Variants in STAT1 observed in about 807,000 individuals in gnomAD.
STAT1 encodes signal transducer and activator of transcription 1.
In STAT1, 24 loss-of-function variants were observed where a neutral mutation model predicts 111.7. The ratio of observed to expected loss-of-function variants is 0.21; its 90% CI spans 0.16 to 0.30. The LOEUF is 0.30. Ranked by LOEUF, STAT1 falls within the 10% of genes least tolerant of loss-of-function variation. The probability of loss-of-function intolerance (pLI) is 1.00; values close to 1 mark genes in which losing one functional copy is unlikely to be tolerated. For synonymous variants in STAT1, 332 were observed against 326.5 expected (o/e 1.02, Z -0.18); for missense variants, 351 against 911.9 (o/e 0.38, Z 7.92).
At position 190,980,970 on chromosome 2, in the gene STAT1, G is replaced by A. The variant is rs547779396; in HGVS notation, c.1583-301C>T. 1.2e-3 allele frequency among the ~76,000 whole-genome samples: 184 copies of A among 152,276 alleles called. 1 individual carries two copies. The highest frequency in any genetic ancestry group is 4.1e-3 in the African/African-American group (171 of 41,546). ...CGATATGAGAGTTTTTAGGGAAAGC[G>A]GAAACATCACAAAGCCTTACCATCT... is the stretch of plus-strand genomic sequence containing the variant. On this transcript the variant is annotated intron_variant, in intron 18 of 24. Transcript: ENST00000361099. This position sits in a 1 kb window ranked among gnomAD's most constrained non-coding sequence, Gnocchi z 6.1.
At chr2:191,008,878 T>C (rs1281818565) in intron 4 of STAT1, 85 bp downstream of exon 4, 4 of 1,419,022 alleles carry the variant, frequency 2.8e-6, no homozygotes, top group Non-Finnish European at 3.9e-6. Context: ...AATAAGTGTG[T>C]GCTCAATTGT....
At position 191,000,946 on chromosome 2, in the gene STAT1, G is replaced by T; in HGVS notation, c.462+128C>A. 1 of 783,744 alleles carries T rather than the reference G, an allele frequency of 1.3e-6. No individual in the cohort carries two copies. The highest frequency in any genetic ancestry group is 2.2e-6 in the Non-Finnish European group (1 of 452,204). The allele number at this position is 783,744 out of a possible 1,614,324, so 48.5% of individuals were successfully genotyped here. On this transcript the variant is annotated intron_variant, in intron 6 of 24. Coordinates refer to ENST00000361099, the MANE Select transcript of STAT1 (RefSeq NM_007315.4). The surrounding 1 kb of genome is among the most constrained non-coding windows in gnomAD (Gnocchi z 4.8). ...TGTTTACTTATAGCTTGAGACTTCT[G>T]CAAAATTTTTCTTCCCAACTACTTA...
rs1694568369 is a variant in STAT1 at position 191,004,963 on chromosome 2, A to G, written c.372+2600T>C. Among the ~76,000 whole-genome samples the G allele has an allele frequency of 6.6e-6, 1 of 152,176 alleles. No individual in the cohort carries two copies. Among genetic ancestry groups the G allele is most frequent in the African/African-American group, 2.4e-5 (1 of 41,444 alleles). The stretch of plus-strand genomic sequence containing the variant: ...CACAAAGAAAAAAAGAAAGAAAAAA[A>G]CTTAGTGTGCTGTAAGACAGCACAC... On this transcript the variant is annotated intron_variant, in intron 5 of 24. Coordinates refer to ENST00000361099, the MANE Select transcript of STAT1 (RefSeq NM_007315.4). The surrounding 1 kb of genome is among the most constrained non-coding windows in gnomAD (Gnocchi z 5.0).
At position 190,981,948 on chromosome 2, in the gene STAT1, C is replaced by T. The variant is rs1692424155; in HGVS notation, c.1582+435G>A. Among the ~76,000 whole-genome samples, 1 of 152,222 alleles carries T rather than the reference C, an allele frequency of 6.6e-6. No individual in the cohort carries two copies. Among genetic ancestry groups the T allele is most frequent in the South Asian group, 2.1e-4 (1 of 4,834 alleles). ...GGACGGCATCCTCTGCTACCTGGGC[C>T]CCACCTGAGGCAAGGGCCCTGGGTT... On this transcript the variant is annotated intron_variant, in intron 18 of 24. Coordinates refer to ENST00000361099, the MANE Select transcript of STAT1 (RefSeq NM_007315.4). The surrounding 1 kb of genome is among the most constrained non-coding windows in gnomAD (Gnocchi z 4.1).
At position 191,001,178 on chromosome 2, in the gene STAT1, G is replaced by C; in HGVS notation, c.373-15C>G. 6.2e-7 allele frequency: 1 copy of C among 1,601,442 alleles called. No individual in the cohort carries two copies. The highest frequency in any genetic ancestry group is 8.6e-7 in the Non-Finnish European group (1 of 1,168,536). ...CCCGACTGAGCCTGTAATGGGAAGG[G>C]CATGATTATAGCCATCGTTTTCTTC... On this transcript the variant is annotated splice_polypyrimidine_tract_variant and intron_variant, in intron 5 of 24. Transcript: ENST00000361099.
intron 24 of STAT1, among the ~76,000 whole-genome samples, chr2:190,972,296 A>T (rs1029814508): frequency 2.0e-5 from 3 of 152,258 alleles, no homozygotes; most frequent in Admixed American, 6.5e-5. Flanking sequence ...TCCTATCATT[A>T]TGAGCTTTGG....
At chr2:191,008,263 C>G (rs535435264) in intron 4 of STAT1, among the ~76,000 whole-genome samples, 1 of 152,148 alleles carries the variant, frequency 6.6e-6, no homozygotes, top group African/African-American at 2.4e-5. Context: ...TTCCAATTAC[C>G]TAAGCTGAAA....
chr2:190,980,244 C>T lies in STAT1; in HGVS notation c.1632+376G>A, dbSNP rs1051357840. Among the ~76,000 whole-genome samples, 3 of 152,248 alleles carry T rather than the reference C, an allele frequency of 2.0e-5. No individual in the cohort carries two copies. The highest frequency in any genetic ancestry group is 2.9e-5 in the Non-Finnish European group (2 of 68,036). On this transcript the variant is annotated intron_variant, in intron 19 of 24. Coordinates refer to ENST00000361099, the MANE Select transcript of STAT1 (RefSeq NM_007315.4). This position sits in a 1 kb window ranked among gnomAD's most constrained non-coding sequence, Gnocchi z 6.1. ...ACTCCAGCAGAATCTAAATGTTCCC[C>T]GCAGTGGGCCCCTCTGCTCGAGCAG... is the stretch of plus-strand genomic sequence containing the variant.
At position 191,012,414 on chromosome 2, in the gene STAT1, T is replaced by C. The variant is rs1371319415; in HGVS notation, c.-2+1111A>G. ...CTGGGAGACAGAGAGAGACTCTGTC[T>C]CTAAAAAAAAAAAACAATGAATAAA... On this transcript the variant is annotated intron_variant, in intron 2 of 24. Transcript: ENST00000361099. This position sits in a 1 kb window ranked among gnomAD's most constrained non-coding sequence, Gnocchi z 4.0. Among the ~76,000 whole-genome samples the C allele has an allele frequency of 3.1e-5, 4 of 130,422 alleles. No individual in the cohort carries two copies. The highest frequency in any genetic ancestry group is 6.3e-5 in the Non-Finnish European group (4 of 63,328). 85.6% of individuals were successfully genotyped at this position (130,422 alleles called of 152,430 possible). A position where few individuals can be genotyped will look rare whatever the true frequency, so the allele number is the denominator to read the frequency against.
In STAT1 at chr2:190,980,510, G is replaced by A. The variant is rs112114358; in HGVS notation, c.1632+110C>T. 12 of 1,318,864 alleles carry A rather than the reference G, an allele frequency of 9.1e-6. No individual in the cohort carries two copies. The highest frequency in any genetic ancestry group is 1.3e-5 in the Non-Finnish European group (12 of 912,692). 81.7% of individuals were successfully genotyped at this position (1,318,864 alleles called of 1,614,324 possible). On this transcript the variant is annotated intron_variant, in intron 19 of 24. Coordinates refer to ENST00000361099, the MANE Select transcript of STAT1 (RefSeq NM_007315.4). This position sits in a 1 kb window ranked among gnomAD's most constrained non-coding sequence, Gnocchi z 6.1. The stretch of plus-strand genomic sequence containing the variant: ...CCCGAGGGGCTCCTTGGCCAGAGAA[G>A]AACACGCCAAAATAAGCAAACAGTT...
Position 190,981,667 on chromosome 2 carries a change from G to C in STAT1, c.1582+716C>G, listed in dbSNP as rs1692402856. Among the ~76,000 whole-genome samples the C allele has an allele frequency of 6.6e-6, 1 of 152,256 alleles. No individual in the cohort carries two copies. Among genetic ancestry groups the C allele is most frequent in the Non-Finnish European group, 1.5e-5 (1 of 68,046 alleles). On this transcript the variant is annotated intron_variant, in intron 18 of 24. Coordinates refer to ENST00000361099, the MANE Select transcript of STAT1 (RefSeq NM_007315.4). The surrounding 1 kb of genome is among the most constrained non-coding windows in gnomAD (Gnocchi z 4.1). The stretch of plus-strand genomic sequence containing the variant: ...GTCACTGAGTTAGGAAGAGCCTACT[G>C]CTGTTTGGAGTAAATGCAGTGCTGC...
chr2:191,013,047 G>A (rs953398833), intron 2 of STAT1, among the ~76,000 whole-genome samples: 3 of 152,166 alleles, frequency 2.0e-5, no homozygotes, highest in Admixed American at 2.0e-4. Context: ...TAGAGTAGTG[G>A]GGTATTTTGC....
In STAT1 at chr2:190,974,936, A is replaced by C. The variant is rs1691785518; in HGVS notation, c.2136-4T>G. On this transcript the variant is annotated splice_region_variant and splice_polypyrimidine_tract_variant and intron_variant, in intron 23 of 24. Transcript: ENST00000361099. This position sits in a 1 kb window ranked among gnomAD's most constrained non-coding sequence, Gnocchi z 4.8. The stretch of plus-strand genomic sequence containing the variant: ...GGTCTGAAGTCTAGAAGGGTGACTA[A>C]AATGGGGAAAAAGAAAAGAGCAATG... 1 of 1,609,584 alleles carries C rather than the reference A, an allele frequency of 6.2e-7. No homozygotes were observed. The highest frequency in any genetic ancestry group is 1.3e-5 in the African/African-American group (1 of 74,826).
chr2:190,994,605 A>G lies in STAT1; in HGVS notation c.944+456T>C, dbSNP rs1425661982. On this transcript the variant is annotated intron_variant, in intron 10 of 24. Transcript: ENST00000361099. ...GAAGAACCACTGGTATAACCAAATA[A>G]TTCAGGAAGAGTCATTGTCATTAAA... is the stretch of plus-strand genomic sequence containing the variant. Among the ~76,000 whole-genome samples, 2 of 152,060 alleles carry G rather than the reference A, an allele frequency of 1.3e-5. 1 individual carries two copies. Among genetic ancestry groups the G allele is most frequent in the Middle Eastern group, 6.3e-3 (2 of 316 alleles).
chr2:190,994,969 A>G (rs1693737376), intron 10 of STAT1, 92 bp downstream of exon 10: 1 of 834,546 alleles, frequency 1.2e-6, no homozygotes, highest in African/African-American at 1.7e-5. Flanking sequence ...AAAAACACCT[A>G]TTAAACCCTT....
At position 190,976,163 on chromosome 2, in the gene STAT1, A is replaced by G. The variant is rs1691891601; in HGVS notation, c.2060-276T>C. ...TCTTTACACAACTTGAAATCTTACA[A>G]GAAGTCTGAGCCCAAAATATGCAAA... On this transcript the variant is annotated intron_variant, in intron 22 of 24. Coordinates refer to ENST00000361099, the MANE Select transcript of STAT1 (RefSeq NM_007315.4). The surrounding 1 kb of genome is among the most constrained non-coding windows in gnomAD (Gnocchi z 6.0). 6.6e-6 allele frequency among the ~76,000 whole-genome samples: 1 copy of G among 152,204 alleles called. No individual in the cohort carries two copies.
In STAT1 at chr2:190,999,660, T is replaced by A; in HGVS notation, c.507A>T (p.Glu169Asp). 1 of 1,613,968 alleles carries A rather than the reference T, an allele frequency of 6.2e-7. No homozygotes were observed. The highest frequency in any genetic ancestry group is 8.5e-7 in the Non-Finnish European group (1 of 1,179,870). The change falls in exon 7 of 25, where the codon GAA (glutamate) becomes GAT (aspartate). Residue 169 changes from glutamate to aspartate, a missense_variant. By Grantham distance (45) the Glu-to-Asp change is conservative. Coordinates refer to ENST00000361099, the MANE Select transcript of STAT1 (RefSeq NM_007315.4). The surrounding 1 kb of genome is among the most constrained non-coding windows in gnomAD (Gnocchi z 4.1). ...EIKSLEDLQD[E>D]YDFKCKTLQN... Reference sequence around the variant, plus strand: ...GCAAGGTTTTGCATTTGAAGTCATATTCATCTTGTAAATCTTCCAGGCTCT... The same window carrying A: ...GCAAGGTTTTGCATTTGAAGTCATAATCATCTTGTAAATCTTCCAGGCTCT...
chr2:190,995,293 T>C lies in STAT1; in HGVS notation c.786-74A>G, dbSNP rs1402692261. 7.1e-7 allele frequency: 1 copy of C among 1,417,040 alleles called. No homozygotes were observed. The highest frequency in any genetic ancestry group is 1.0e-6 in the Non-Finnish European group (1 of 1,004,696). The allele number at this position is 1,417,040 out of a possible 1,614,324, so 87.8% of individuals were successfully genotyped here. A position where few individuals can be genotyped will look rare whatever the true frequency, so the allele number is the denominator to read the frequency against. On this transcript the variant is annotated intron_variant, in intron 9 of 24. Coordinates refer to ENST00000361099, the MANE Select transcript of STAT1 (RefSeq NM_007315.4). The surrounding 1 kb of genome is among the most constrained non-coding windows in gnomAD (Gnocchi z 4.2). ...CAGCCTGGATTAAAGGGAATCATGG[T>C]ATATTAGTCCATTCTCATGCTGCTA...
Position 190,979,126 on chromosome 2 carries a change from C to A in STAT1, c.1728-125G>T. 7.9e-7 allele frequency: 1 copy of A among 1,265,040 alleles called. No individual in the cohort carries two copies. Among genetic ancestry groups the A allele is most frequent in the Non-Finnish European group, 1.1e-6 (1 of 894,278 alleles). 78.4% of individuals were successfully genotyped at this position (1,265,040 alleles called of 1,614,324 possible). A position where few individuals can be genotyped will look rare whatever the true frequency, so the allele number is the denominator to read the frequency against. On this transcript the variant is annotated intron_variant, in intron 20 of 24. Coordinates refer to ENST00000361099, the MANE Select transcript of STAT1 (RefSeq NM_007315.4). This position sits in a 1 kb window ranked among gnomAD's most constrained non-coding sequence, Gnocchi z 5.8. ...AAAAACCTACGGTAAAAAACGTAGA[C>A]TATTTTAAAATCTGTTCAGTTGACA...
Sources: allele counts gnomAD v4.1 joint callset (sites outside exome capture counted in the v4.1 genomes callset), GRCh38; gene constraint gnomAD v4.1.1; non-coding constraint Gnocchi (gnomAD v3.1); transcripts MANE v1.5; gene names NCBI Gene and HGNC (gene_info 2026-07-23, HGNC 2026-07-21).